The following TBCK variants were observed in gnomAD, a reference collection of about 807,000 sequenced individuals.
TBCK encodes the protein TBC domain-containing protein kinase-like protein.
Under a neutral mutation model 113.4 loss-of-function variants are expected in TBCK, and 99 were observed. That is an observed-to-expected ratio of 0.87 (90% confidence interval 0.74 to 1.03). The LOEUF is 1.03. Among genes scored for constraint, TBCK ranks in the 50% least tolerant of loss-of-function variants. The probability of loss-of-function intolerance (pLI) is 0.00; values close to 1 mark genes in which losing one functional copy is unlikely to be tolerated. For missense variants in TBCK, 1,045 were observed against 1,061.3 expected (o/e 0.98, Z 0.21); for synonymous variants, 369 against 370.8 (o/e 1.00, Z 0.05).
intron 2 of TBCK, among the ~76,000 whole-genome samples, chr4:106,296,183 T>C (rs1346236566): frequency 2.0e-5 from 3 of 152,142 alleles, no homozygotes; most frequent in Admixed American, 6.5e-5. Flanking sequence ...TGCTTGATAA[T>C]GAATCTAAGA....
intron 5 of TBCK, among the ~76,000 whole-genome samples, chr4:106,257,924 C>T (rs1485559470): frequency 6.6e-6 from 1 of 151,886 alleles, no homozygotes; most frequent in East Asian, 1.9e-4. Context: ...ACAATACATC[C>T]AGAAGTCAGT....
intron 10 of TBCK, among the ~76,000 whole-genome samples, chr4:106,246,077 TATCTC>T (rs958618571): frequency 2.6e-5 from 4 of 152,206 alleles, no homozygotes; most frequent in African/African-American, 9.6e-5. Context: ...CCTTCCCTCA[TATCTC>T]AAGGCAACGG....
intron 20 of TBCK, among the ~76,000 whole-genome samples, chr4:106,207,009 A>G (rs947546891): frequency 6.6e-6 from 1 of 152,188 alleles, no homozygotes; most frequent in African/African-American, 2.4e-5. Flanking sequence ...GAATTTCAGG[A>G]AAACAGTTCC....
At chr4:106,199,379 TG>T (rs1011968491) in intron 20 of TBCK, among the ~76,000 whole-genome samples, 1 of 152,096 alleles carries the variant, frequency 6.6e-6, no homozygotes, top group Non-Finnish European at 1.5e-5. Context: ...CCATCTCCTT[TG>T]TTGGTTCCTC....
chr4:106,251,719 A>T, intron 6 of TBCK, 147 bp downstream of exon 6: 1 of 688,536 alleles, frequency 1.5e-6, no homozygotes, highest in Non-Finnish European at 2.1e-6. Context: ...AAATTATCAA[A>T]CATGATTAAG....
In TBCK at chr4:106,210,161, T is replaced by C. The variant is rs115608572; in HGVS notation, c.1860+2589A>G. 2.6e-3 allele frequency among the ~76,000 whole-genome samples: 393 copies of C among 152,242 alleles called. 1 individual carries two copies. The Middle Eastern group carries it at 0.044, about 17-fold the overall frequency. ...GGAAAGCAGAAATGGAATCTCCTTC[T>C]AGACAAAAGACAGATTTACTAATAG... On this transcript the variant is annotated intron_variant, in intron 20 of 25. Coordinates refer to ENST00000394708, the MANE Select transcript of TBCK (RefSeq NM_001163435.3).
intron 23 of TBCK, among the ~76,000 whole-genome samples, chr4:106,139,834 G>A (rs1746984752): frequency 1.4e-5 from 2 of 140,794 alleles, no homozygotes; most frequent in Admixed American, 1.4e-4. Context: ...AAGCATCTCA[G>A]GGGTAAGCTA....
At chr4:106,185,278 C>T (rs1439745975) in intron 22 of TBCK, among the ~76,000 whole-genome samples, 2 of 151,976 alleles carry the variant, frequency 1.3e-5, no homozygotes, top group African/African-American at 4.8e-5. Flanking sequence ...TATATTATTT[C>T]TCTTTTCTCC....
At chr4:106,114,630 A>C (rs1302457965) in intron 24 of TBCK, among the ~76,000 whole-genome samples, 1 of 152,136 alleles carries the variant, frequency 6.6e-6, no homozygotes, top group Non-Finnish European at 1.5e-5. Flanking sequence ...GCATTCTTAC[A>C]TCCGTTGTTC....
chr4:106,198,596 G>T (rs6815014), intron 20 of TBCK, among the ~76,000 whole-genome samples: 19,701 of 151,974 alleles, frequency 0.13, 1,612 homozygotes, highest in South Asian at 0.24. Flanking sequence ...TATTTTTTAT[G>T]ATACCTATCC....
At chr4:106,300,449 A>G (rs1341688974) in intron 2 of TBCK, among the ~76,000 whole-genome samples, 1 of 152,220 alleles carries the variant, frequency 6.6e-6, no homozygotes, top group Non-Finnish European at 1.5e-5. Flanking sequence ...ATGTCTTAAA[A>G]TAATATAAAG....
At chr4:106,314,314 T>C (rs974490110) in intron 1 of TBCK, among the ~76,000 whole-genome samples, 2 of 152,180 alleles carry the variant, frequency 1.3e-5, no homozygotes, top group Non-Finnish European at 2.9e-5. Flanking sequence ...ACGTATATTA[T>C]TTTGAATTAT....
At chr4:106,153,857 C>T (rs1186885357) in intron 23 of TBCK, among the ~76,000 whole-genome samples, 4 of 151,412 alleles carry the variant, frequency 2.6e-5, no homozygotes. Flanking sequence ...TCTATTTTGT[C>T]TGATGTAAAT....
At chr4:106,080,422 G>A (rs1341303442) in intron 25 of TBCK, among the ~76,000 whole-genome samples, 1 of 152,112 alleles carries the variant, frequency 6.6e-6, no homozygotes, top group Non-Finnish European at 1.5e-5. Flanking sequence ...TACATAATGG[G>A]GAAAGGACTC....
At chr4:106,053,580 C>T (rs893369113) in intron 25 of TBCK, among the ~76,000 whole-genome samples, 17 of 151,678 alleles carry the variant, frequency 1.1e-4, no homozygotes, top group African/African-American at 4.1e-4. Flanking sequence ...ATCTACATTC[C>T]TCCCCTAAAT....
intron 23 of TBCK, among the ~76,000 whole-genome samples, chr4:106,163,015 T>C (rs1365645976): frequency 6.6e-6 from 1 of 152,106 alleles, no homozygotes. Context: ...TTCCAAACTT[T>C]TATGGTCTGC....
At chr4:106,061,232 G>T (rs1736007769) in intron 25 of TBCK, among the ~76,000 whole-genome samples, 1 of 151,788 alleles carries the variant, frequency 6.6e-6, no homozygotes, top group Non-Finnish European at 1.5e-5. Flanking sequence ...ATGCTACAGA[G>T]AAATCTTTCA....
At chr4:106,209,582 T>C (rs1755901157) in intron 20 of TBCK, among the ~76,000 whole-genome samples, 1 of 152,226 alleles carries the variant, frequency 6.6e-6, no homozygotes, top group South Asian at 2.1e-4. Context: ...AGTTAGGCTT[T>C]CATTTACACT....
chr4:106,159,603 CA>C (rs1749524541), intron 23 of TBCK, among the ~76,000 whole-genome samples: 2 of 151,876 alleles, frequency 1.3e-5, no homozygotes, highest in Admixed American at 1.3e-4. Context: ...ATGAAAACAA[CA>C]AAAGAATGCT....
Sources: gnomAD v4.1 joint callset for allele counts (sites outside exome capture counted in the v4.1 genomes callset) on GRCh38, gnomAD v4.1.1 for gene constraint, MANE v1.5 for transcripts, NCBI Gene and HGNC (gene_info 2026-07-23, HGNC 2026-07-21) for gene names.